Variants in PKHD1 observed in about 807,000 individuals in gnomAD.
PKHD1 encodes fibrocystin.
Under a neutral mutation model 412.0 loss-of-function variants are expected in PKHD1, and 291 were observed. The ratio of observed to expected loss-of-function variants is 0.71; its 90% CI spans 0.64 to 0.78. The LOEUF (loss-of-function observed/expected upper bound fraction) is 0.78, where lower values mean the gene tolerates loss of function less well. Ranked by LOEUF, PKHD1 falls within the 30% of genes least tolerant of loss-of-function variation. PKHD1 has a pLI of 0.00. For synonymous variants in PKHD1, 1,777 were observed against 1,821.5 expected, an observed-to-expected ratio of 0.98 and a Z score of 0.62; for missense variants, 4,825 against 4,950.7, an observed-to-expected ratio of 0.97 and a Z score of 0.76.
At chr6:51,915,654 T>C (rs2127681682) in intron 37 of PKHD1, among the ~76,000 whole-genome samples, 1 of 151,908 alleles carries the variant, frequency 6.6e-6, no homozygotes, top group East Asian at 2.0e-4. Context: ...CACTCCCACA[T>C]CTTGGGGTTT....
At chr6:51,793,514 C>T (rs1232736658) in intron 52 of PKHD1, among the ~76,000 whole-genome samples, 1 of 152,152 alleles carries the variant, frequency 6.6e-6, no homozygotes, top group Non-Finnish European at 1.5e-5. Context: ...CTTCCTCCTC[C>T]CACCACCTGC....
rs576983058 is a variant in PKHD1, at chr6:51,722,096, G to A, written c.10156+22289C>T. 7.8e-5 allele frequency: 125 copies of A among 1,610,048 alleles called. 2 individuals are homozygous for A. The South Asian group carries it at 1.1e-3, about 15-fold the overall frequency. On this transcript the variant is annotated intron_variant, in intron 60 of 66. Transcript: ENST00000371117. ...ATGTCTCCACCCTTCTTTTCTTCTCGGCATGCTTTCCACATTGCATCCAAA... is the reference window on the plus strand; with the variant it reads ...ATGTCTCCACCCTTCTTTTCTTCTCAGCATGCTTTCCACATTGCATCCAAA...
chr6:52,019,629 CA>C (rs1801114626), intron 33 of PKHD1, among the ~76,000 whole-genome samples: 1 of 152,192 alleles, frequency 6.6e-6, no homozygotes, highest in African/African-American at 2.4e-5. Context: ...GGGTTTTACT[CA>C]AAGTTCTGCC....
chr6:51,625,147 C>G (rs1013576230), intron 66 of PKHD1, among the ~76,000 whole-genome samples: 11 of 152,152 alleles, frequency 7.2e-5, no homozygotes, highest in African/African-American at 2.7e-4. Context: ...TAATCTGAAT[C>G]TAGTAGTCAT....
chr6:51,975,691 T>A (rs1794310460), intron 35 of PKHD1: 1 of 149,322 alleles, frequency 6.7e-6, no homozygotes, highest in Admixed American at 6.7e-5. Flanking sequence ...TCCCAGCTAC[T>A]CAGGAGGCTG....
intron 43 of PKHD1, among the ~76,000 whole-genome samples, chr6:51,896,617 C>G (rs1780076677): frequency 6.6e-6 from 1 of 152,128 alleles, no homozygotes; most frequent in Non-Finnish European, 1.5e-5. Context: ...CTCTCCTCCT[C>G]CAAAGGAACG....
chr6:52,045,958 C>A, intron 24 of PKHD1, 46 bp downstream of exon 24: 3 of 1,299,398 alleles, frequency 2.3e-6, no homozygotes, highest in Non-Finnish European at 2.2e-6. Context: ...TGCAGAATTT[C>A]TCCAGGGCAG....
At chr6:51,847,304 G>T (rs1286502000) in intron 50 of PKHD1, among the ~76,000 whole-genome samples, 1 of 114,892 alleles carries the variant, frequency 8.7e-6, no homozygotes, top group Non-Finnish European at 1.7e-5. Context: ...GTCTCACTTT[G>T]CTGCCCTGGC....
intron 35 of PKHD1, among the ~76,000 whole-genome samples, chr6:51,999,421 A>G (rs1323865934): frequency 1.3e-5 from 2 of 152,108 alleles, no homozygotes; most frequent in Non-Finnish European, 2.9e-5. Context: ...AACACTTTTA[A>G]TATCTGAATA....
chr6:51,827,662 A>T (rs1360995136), intron 52 of PKHD1, among the ~76,000 whole-genome samples: 1 of 152,064 alleles, frequency 6.6e-6, no homozygotes, highest in East Asian at 1.9e-4. Context: ...TTCTAAACAC[A>T]TTCAGTATTT....
intron 51 of PKHD1, among the ~76,000 whole-genome samples, 192 bp from the exon 52 acceptor site, chr6:51,831,181 G>GA (rs1169984176): frequency 6.6e-5 from 10 of 151,998 alleles, no homozygotes; most frequent in South Asian, 2.1e-4. Context: ...CTTCACTTCT[G>GA]AAAAAAATCC....
rs1194740215 is a variant in PKHD1 at position 51,747,923 on chromosome 6, T to G, written c.9693A>C (p.Arg3231Ser). Residue 3231 changes from arginine to serine, a missense_variant, in exon 58 of 67, where the codon AGA becomes AGC. Physicochemically the swap from Arg to Ser is moderately radical, Grantham distance 110. Coordinates refer to ENST00000371117, the MANE Select transcript of PKHD1 (RefSeq NM_138694.4). ...GACCTCCTCTTGGATTGGAGGGAGC[T>G]CTATCTGTTGATGTCAAGTTGGCTG... Reference protein sequence around the residue: ...PHSANLTSTDRAPSNPRGGRI... With the variant: ...PHSANLTSTDSAPSNPRGGRI... The G allele has an allele frequency of 6.2e-7, 1 of 1,614,078 alleles. No individual in the cohort carries two copies. Among genetic ancestry groups the G allele is most frequent in the Non-Finnish European group, 8.5e-7 (1 of 1,179,998 alleles).
chr6:51,784,316 ATATT>A (rs1792514940), intron 53 of PKHD1, among the ~76,000 whole-genome samples: 1 of 152,190 alleles, frequency 6.6e-6, no homozygotes, highest in African/African-American at 2.4e-5. Flanking sequence ...TTGAAGGATG[ATATT>A]TAAGATAGCT....
intron 27 of PKHD1, among the ~76,000 whole-genome samples, chr6:52,036,653 T>C (rs1391498262): frequency 1.3e-5 from 2 of 152,202 alleles, no homozygotes; most frequent in East Asian, 3.9e-4. Flanking sequence ...GGTGGACTAG[T>C]ACCCTGAAGT....
At chr6:51,828,808 C>T (rs1767765130) in intron 52 of PKHD1, among the ~76,000 whole-genome samples, 1 of 151,962 alleles carries the variant, frequency 6.6e-6, no homozygotes, top group African/African-American at 2.4e-5. Context: ...AGAGACCCAT[C>T]AGAGGTCAAA....
intron 35 of PKHD1, among the ~76,000 whole-genome samples, chr6:51,986,176 T>C (rs1796195432): frequency 1.3e-5 from 2 of 152,194 alleles, no homozygotes; most frequent in Non-Finnish European, 2.9e-5. Context: ...TCTAATATTA[T>C]AGAAATGCCA....
At chr6:51,987,258 A>G (rs376805687) in intron 35 of PKHD1, among the ~76,000 whole-genome samples, 2 of 152,236 alleles carry the variant, frequency 1.3e-5, no homozygotes, top group Non-Finnish European at 2.9e-5. Context: ...GAAAACCAGA[A>G]CAACAATTAA....
At position 52,028,336 on chromosome 6, in the gene PKHD1, A is replaced by G; in HGVS notation, c.3380T>C (p.Val1127Ala). 1 of 1,613,724 alleles carries G rather than the reference A, an allele frequency of 6.2e-7. No individual in the cohort carries two copies. Among genetic ancestry groups the G allele is most frequent in the Non-Finnish European group, 8.5e-7 (1 of 1,179,978 alleles). ...GTTCATCAGCCTCGCCACTCCAATG[A>G]CCAGGGTCTCACCGCCTGTGTTGAG... Reference protein sequence around the residue: ...ISNIAGGETLVIGVARLMNYT... With the variant: ...ISNIAGGETLAIGVARLMNYT... The change falls in exon 30 of 67, where the codon GTC becomes GCC. Residue 1127 changes from valine (V) to alanine (A), a missense_variant. Physicochemically the swap from Val to Ala is moderately conservative, Grantham distance 64. Transcript: ENST00000371117.
At chr6:51,674,319 C>T (rs1189311254) in intron 60 of PKHD1, among the ~76,000 whole-genome samples, 1 of 152,036 alleles carries the variant, frequency 6.6e-6, no homozygotes, top group Admixed American at 6.6e-5. Context: ...GTGGGACAGG[C>T]CAGGATAGAG....
Sources: allele counts gnomAD v4.1 joint callset (sites outside exome capture counted in the v4.1 genomes callset), GRCh38; gene constraint gnomAD v4.1.1; transcripts MANE v1.5; gene names NCBI Gene and HGNC (gene_info 2026-07-23, HGNC 2026-07-21).